TMEM87B: variants seen among roughly 807,000 people sequenced by gnomAD.
The protein encoded by TMEM87B is transmembrane protein 87B.
TMEM87B carries 83 observed loss-of-function variants against 80.3 expected under a neutral mutation model. That is an observed-to-expected ratio of 1.03 (90% CI 0.87 to 1.24). The LOEUF (loss-of-function observed/expected upper bound fraction) is 1.24. Ranked by LOEUF, TMEM87B falls within the 50% of genes most tolerant of loss-of-function variation. The pLI is 0.00. For missense variants in TMEM87B, 625 were observed against 674.4 expected, an observed-to-expected ratio of 0.93 and a Z score of 0.81; for synonymous variants, 219 against 230.5, an observed-to-expected ratio of 0.95 and a Z score of 0.45.
intron 16 of TMEM87B, among the ~76,000 whole-genome samples, chr2:112,106,687 G>A (rs1679777613): frequency 6.6e-6 from 1 of 151,980 alleles, no homozygotes; most frequent in African/African-American, 2.4e-5. Context: ...AGACAACAAT[G>A]TAAAATGGAA....
intron 17 of TMEM87B, among the ~76,000 whole-genome samples, chr2:112,108,070 T>A (rs2104505657): frequency 6.6e-6 from 1 of 152,338 alleles, no homozygotes; most frequent in Middle Eastern, 3.4e-3. Flanking sequence ...TAACCAACTC[T>A]AGCTTTTTCT....
intron 16 of TMEM87B, among the ~76,000 whole-genome samples, chr2:112,106,419 C>T (rs1368217700): frequency 1.3e-5 from 2 of 152,174 alleles, no homozygotes; most frequent in Admixed American, 1.3e-4. Context: ...TTCATCTGCA[C>T]ATTCGAGATG....
intron 8 of TMEM87B, among the ~76,000 whole-genome samples, chr2:112,085,564 G>A (rs1419578323): frequency 6.6e-6 from 1 of 152,144 alleles, no homozygotes; most frequent in Non-Finnish European, 1.5e-5. Context: ...ATGAAGGCAG[G>A]GATCAAGATG....
chr2:112,082,296 T>G (rs1679022426), intron 8 of TMEM87B, among the ~76,000 whole-genome samples: 1 of 152,214 alleles, frequency 6.6e-6, no homozygotes, highest in Non-Finnish European at 1.5e-5. Context: ...CTTGATCTGT[T>G]GCCCGGTCTA....
intron 4 of TMEM87B, among the ~76,000 whole-genome samples, chr2:112,070,538 C>T (rs1284959635): frequency 6.6e-6 from 1 of 152,106 alleles, no homozygotes; most frequent in Non-Finnish European, 1.5e-5. Flanking sequence ...GTCTATGTGT[C>T]TGTTTTTGTA....
rs966941839 is a variant in TMEM87B at position 112,074,853 on chromosome 2, C to T, written c.451-59C>T. On this transcript the variant is annotated intron_variant, in intron 4 of 18. Coordinates refer to ENST00000283206, the MANE Select transcript of TMEM87B (RefSeq NM_032824.3). ...TAACTTTTTTTCTTAATTATTAAAA[C>T]AATTTTTCTCCGTAGAAATGCAGCA... is the stretch of plus-strand genomic sequence containing the variant. 5.5e-6 allele frequency: 8 copies of T among 1,448,776 alleles called. No homozygotes were observed. In the African/African-American group the frequency reaches 8.9e-5, roughly 16 times the overall value. The allele number at this position is 1,448,776 out of a possible 1,614,324, so 89.7% of individuals were successfully genotyped here.
chr2:112,074,149 G>C (rs1678740695), intron 4 of TMEM87B, among the ~76,000 whole-genome samples: 1 of 152,172 alleles, frequency 6.6e-6, no homozygotes, highest in Non-Finnish European at 1.5e-5. Context: ...ACTCATCTGT[G>C]TGGCTACTTC....
chr2:112,093,879 C>A (rs1302446520), intron 11 of TMEM87B, among the ~76,000 whole-genome samples: 2 of 152,140 alleles, frequency 1.3e-5, no homozygotes, highest in Non-Finnish European at 2.9e-5. Context: ...ATACCTTGCA[C>A]TGGGATAGGC....
At chr2:112,088,570 TTA>T (rs1466714696) in intron 9 of TMEM87B, among the ~76,000 whole-genome samples, 10 of 152,202 alleles carry the variant, frequency 6.6e-5, no homozygotes, top group Non-Finnish European at 1.2e-4. Context: ...AAATATTTTT[TTA>T]AACCAGTTTT....
At chr2:112,110,732 G>GCC (rs202018109) in intron 17 of TMEM87B, among the ~76,000 whole-genome samples, 3 of 150,914 alleles carry the variant, frequency 2.0e-5, no homozygotes, top group Non-Finnish European at 3.0e-5. Flanking sequence ...TTCTCCCACC[G>GCC]CCCCCCCCAA....
intron 4 of TMEM87B, among the ~76,000 whole-genome samples, chr2:112,069,582 G>T (rs984334409): frequency 6.6e-6 from 1 of 152,152 alleles, no homozygotes; most frequent in Non-Finnish European, 1.5e-5. Context: ...GGGAATTTAG[G>T]TTGATTCCAT....
At chr2:112,070,607 A>G (rs1014401866) in intron 4 of TMEM87B, among the ~76,000 whole-genome samples, 7 of 152,148 alleles carry the variant, frequency 4.6e-5, no homozygotes, top group African/African-American at 1.4e-4. Flanking sequence ...GTCAGGTAGC[A>G]TGATGCCTCC....
chr2:112,055,374 CG>C lies in TMEM87B; in HGVS notation c.-215del, dbSNP rs1002146441. 2.4e-5 allele frequency: 13 copies of C among 535,012 alleles called. No individual in the cohort carries two copies. The highest frequency in any genetic ancestry group is 2.2e-4 in the African/African-American group (11 of 49,522). 33.1% of individuals were successfully genotyped at this position (535,012 alleles called of 1,614,324 possible). A position where few individuals can be genotyped will look rare whatever the true frequency, so the allele number is the denominator to read the frequency against. ...TCCAGGCATCTCCCAGCTGCACGCT[CG>C]GGCCCGGCTCAGAGCCCTAAGCCCT... is the stretch of plus-strand genomic sequence containing the variant. On this transcript the variant is annotated 5_prime_UTR_variant, in exon 1 of 19. Transcript: ENST00000283206.
At chr2:112,100,813 C>G in intron 15 of TMEM87B, 118 bp downstream of exon 15, 1 of 559,244 alleles carries the variant, frequency 1.8e-6, no homozygotes, top group East Asian at 3.3e-5. Flanking sequence ...ATTTTAAAAA[C>G]TTTTATCTTC....
chr2:112,094,260 C>T (rs1375750012), intron 11 of TMEM87B, among the ~76,000 whole-genome samples: 1 of 151,262 alleles, frequency 6.6e-6, no homozygotes, highest in Non-Finnish European at 1.5e-5. Flanking sequence ...CTCCCAGGTT[C>T]AAGCGATTCT....
At chr2:112,062,092 A>T (rs1384556193) in intron 2 of TMEM87B, among the ~76,000 whole-genome samples, 1 of 152,248 alleles carries the variant, frequency 6.6e-6, no homozygotes, top group Non-Finnish European at 1.5e-5. Flanking sequence ...ATTCTAATTT[A>T]TACATCTACA....
intron 13 of TMEM87B, 111 bp downstream of exon 13, chr2:112,097,402 GT>G (rs1679502944): frequency 2.0e-6 from 2 of 1,008,054 alleles, no homozygotes; most frequent in Non-Finnish European, 2.8e-6. Flanking sequence ...GGAGATTTAT[GT>G]TTTTACTTTG....
In TMEM87B at chr2:112,098,575, T is replaced by C. The variant is rs1287373238; in HGVS notation, c.1273-20T>C. 1 of 1,612,640 alleles carries C rather than the reference T, an allele frequency of 6.2e-7. No homozygotes were observed. The highest frequency in any genetic ancestry group is 8.5e-7 in the Non-Finnish European group (1 of 1,178,706). ...TTATCAGAAAATTAACGTTTCATGC[T>C]TGAATTGTCCTTCTTTTAGGATTGG... On this transcript the variant is annotated intron_variant, in intron 13 of 18. Transcript: ENST00000283206.
At position 112,055,775 on chromosome 2, in the gene TMEM87B, C is replaced by A. The variant is rs1454003043; in HGVS notation, c.165+19C>A. On this transcript the variant is annotated intron_variant, in intron 1 of 18. Coordinates refer to ENST00000283206, the MANE Select transcript of TMEM87B (RefSeq NM_032824.3). The stretch of plus-strand genomic sequence containing the variant: ...CAACGACGTAAGTGGAGTGTCGGGA[C>A]CCAGGCGTGGCACGTCTCGGGCCGT... The A allele has an allele frequency of 6.9e-7, 1 of 1,457,768 alleles. No individual in the cohort carries two copies. Among genetic ancestry groups the A allele is most frequent in the Non-Finnish European group, 9.0e-7 (1 of 1,105,644 alleles). The allele number at this position is 1,457,768 out of a possible 1,614,324, so 90.3% of individuals were successfully genotyped here.
Sources: allele counts gnomAD v4.1 joint callset (sites outside exome capture counted in the v4.1 genomes callset), GRCh38; gene constraint gnomAD v4.1.1; transcripts MANE v1.5; gene names NCBI Gene and HGNC (gene_info 2026-07-23, HGNC 2026-07-21).